PDGFD: variants seen among roughly 807,000 people sequenced by gnomAD.
PDGFD encodes platelet derived growth factor D.
Under a neutral mutation model 44.7 loss-of-function variants are expected in PDGFD, and 30 were observed. The ratio of observed to expected loss-of-function variants is 0.67; its 90% CI spans 0.50 to 0.91. The LOEUF (loss-of-function observed/expected upper bound fraction) is 0.91, where lower values mean the gene tolerates loss of function less well. Ranked by LOEUF, PDGFD falls within the 40% of genes least tolerant of loss-of-function variation. The pLI, the probability that PDGFD is intolerant of heterozygous loss-of-function variation, is 0.00. For synonymous variants in PDGFD, 173 were observed against 168.4 expected (o/e 1.03, Z -0.21); for missense variants, 445 against 457.8 (o/e 0.97, Z 0.25).
At chr11:104,025,755 G>C (rs890263304) in intron 1 of PDGFD, among the ~76,000 whole-genome samples, 2 of 152,172 alleles carry the variant, frequency 1.3e-5, no homozygotes, top group Non-Finnish European at 2.9e-5. Context: ...AGGGAGATGA[G>C]GCAGGGCAGC....
At chr11:104,025,999 C>G (rs544998061) in intron 1 of PDGFD, among the ~76,000 whole-genome samples, 33 of 152,290 alleles carry the variant, frequency 2.2e-4, no homozygotes, top group Non-Finnish European at 3.5e-4. Flanking sequence ...GCACTCTGTA[C>G]TGGGACAGGA....
intron 1 of PDGFD, among the ~76,000 whole-genome samples, chr11:104,067,655 C>G (rs1218898536): frequency 6.6e-6 from 1 of 151,964 alleles, no homozygotes; most frequent in Middle Eastern, 3.2e-3. Context: ...CAGGATAATT[C>G]CAAAAAATAT....
intron 1 of PDGFD, among the ~76,000 whole-genome samples, chr11:104,092,725 G>A (rs919154843): frequency 1.3e-5 from 2 of 152,144 alleles, no homozygotes; most frequent in Non-Finnish European, 2.9e-5. Context: ...TAAAAAAGGT[G>A]CACAAATGAT....
intron 1 of PDGFD, among the ~76,000 whole-genome samples, chr11:104,064,416 C>A (rs906692542): frequency 6.6e-6 from 1 of 152,194 alleles, no homozygotes. Flanking sequence ...ACATAACTAT[C>A]CTTTCCGTGA....
At position 104,163,960 on chromosome 11, in the gene PDGFD, A is replaced by C. The variant is rs1167964682; in HGVS notation, c.-33T>G. On this transcript the variant is annotated 5_prime_UTR_variant, in exon 1 of 7. Transcript: ENST00000393158. ...CAGCGACTAGAGACAGCGTCGCTCC[A>C]AGAAAAAGCCGGGTTCTGCTCCCGG... 3 of 1,501,220 alleles carry C rather than the reference A, an allele frequency of 2.0e-6. No homozygotes were observed. In the Admixed American group the frequency reaches 5.7e-5, roughly 29 times the overall value. The allele number at this position is 1,501,220 out of a possible 1,614,324, so 93.0% of individuals were successfully genotyped here. A position where few individuals can be genotyped will look rare whatever the true frequency, so the allele number is the denominator to read the frequency against.
At chr11:104,109,774 A>G (rs1056709859) in intron 1 of PDGFD, among the ~76,000 whole-genome samples, 16 of 147,308 alleles carry the variant, frequency 1.1e-4, no homozygotes, top group African/African-American at 3.8e-4. Context: ...TCATTAAGTT[A>G]AAAAAAAAAG....
At chr11:103,910,039 G>A (rs1232832068) in intron 6 of PDGFD, among the ~76,000 whole-genome samples, 3 of 152,012 alleles carry the variant, frequency 2.0e-5, no homozygotes, top group Admixed American at 1.3e-4. Context: ...CCAGAGTAAT[G>A]CCCAGCATAA....
At chr11:103,988,965 T>C (rs1205380264) in intron 3 of PDGFD, among the ~76,000 whole-genome samples, 1 of 152,160 alleles carries the variant, frequency 6.6e-6, no homozygotes. Context: ...TCACATACAA[T>C]GCCTCATATG....
At chr11:104,018,141 C>A (rs925033641) in intron 1 of PDGFD, among the ~76,000 whole-genome samples, 1 of 151,824 alleles carries the variant, frequency 6.6e-6, no homozygotes, top group Non-Finnish European at 1.5e-5. Context: ...TTGCACCCCA[C>A]CCCCCTCCAC....
intron 1 of PDGFD, among the ~76,000 whole-genome samples, chr11:104,122,262 C>CTT (rs1164568720): frequency 1.3e-5 from 2 of 151,294 alleles, no homozygotes; most frequent in African/African-American, 4.8e-5. Context: ...CATTTTTCCT[C>CTT]TTTTTTTTTG....
At chr11:104,159,056 G>A (rs1274546939) in intron 1 of PDGFD, among the ~76,000 whole-genome samples, 1 of 151,030 alleles carries the variant, frequency 6.6e-6, no homozygotes, top group Non-Finnish European at 1.5e-5. Context: ...GGGAGGCTGA[G>A]GCAGGAGAAT....
intron 1 of PDGFD, among the ~76,000 whole-genome samples, chr11:104,015,714 T>C (rs949734429): frequency 1.3e-5 from 2 of 152,226 alleles, no homozygotes; most frequent in Non-Finnish European, 1.5e-5. Flanking sequence ...AGAGTATTAG[T>C]ATGCACTGAA....
chr11:104,061,749 A>C (rs1860720682), intron 1 of PDGFD, among the ~76,000 whole-genome samples: 1 of 152,150 alleles, frequency 6.6e-6, no homozygotes, highest in African/African-American at 2.4e-5. Context: ...CTGGGATTAT[A>C]GGTGCATGCC....
At chr11:104,118,923 ATAT>A (rs1384534957) in intron 1 of PDGFD, among the ~76,000 whole-genome samples, 2 of 88,524 alleles carry the variant, frequency 2.3e-5, no homozygotes, top group African/African-American at 4.6e-5. Flanking sequence ...TATACATAAT[ATAT>A]TATTATAATA....
At chr11:104,064,095 A>C (rs1482587579) in intron 1 of PDGFD, among the ~76,000 whole-genome samples, 1 of 152,198 alleles carries the variant, frequency 6.6e-6, no homozygotes, top group Non-Finnish European at 1.5e-5. Context: ...AAATACAAAT[A>C]CATTCAGAGC....
At chr11:103,917,382 A>T (rs958182547) in intron 6 of PDGFD, among the ~76,000 whole-genome samples, 28 of 152,174 alleles carry the variant, frequency 1.8e-4, no homozygotes, top group Non-Finnish European at 3.7e-4. Context: ...GTGAAATATT[A>T]GCTATTACAT....
At chr11:104,092,636 C>T (rs766442837) in intron 1 of PDGFD, among the ~76,000 whole-genome samples, 7 of 152,092 alleles carry the variant, frequency 4.6e-5, no homozygotes, top group Admixed American at 1.3e-4. Flanking sequence ...TTGAAAGAAA[C>T]TATTATATAT....
intron 1 of PDGFD, among the ~76,000 whole-genome samples, chr11:104,080,155 G>A (rs1177203877): frequency 2.0e-5 from 3 of 152,152 alleles, no homozygotes; most frequent in East Asian, 1.9e-4. Context: ...TTTTATGTCT[G>A]AGTCATTAAA....
intron 3 of PDGFD, among the ~76,000 whole-genome samples, chr11:103,972,179 G>A (rs892055989): frequency 2.6e-5 from 4 of 152,134 alleles, no homozygotes; most frequent in African/African-American, 4.8e-5. Flanking sequence ...TTTACACTTC[G>A]GGTTGAATAA....
Sources: allele counts gnomAD v4.1 joint callset (sites outside exome capture counted in the v4.1 genomes callset), GRCh38; gene constraint gnomAD v4.1.1; transcripts MANE v1.5; gene names NCBI Gene and HGNC (gene_info 2026-07-23, HGNC 2026-07-21).